The following RIOK1 variants were observed in gnomAD, a reference collection of about 807,000 sequenced individuals.
RIOK1 encodes RIO kinase 1, also known as serine/threonine-protein kinase RIO1.
Under a neutral mutation model 73.5 loss-of-function variants are expected in RIOK1, and 66 were observed. That is an observed-to-expected ratio of 0.90 (90% CI 0.74 to 1.10). The LOEUF (loss-of-function observed/expected upper bound fraction) is 1.10, where lower values mean the gene tolerates loss of function less well. Ranked by LOEUF, RIOK1 falls within the 50% of genes least tolerant of loss-of-function variation. The pLI is 0.00. For synonymous variants in RIOK1, 224 were observed against 226.8 expected, an observed-to-expected ratio of 0.99 and a Z score of 0.11; for missense variants, 658 against 699.8, an observed-to-expected ratio of 0.94 and a Z score of 0.67.
intron 2 of RIOK1, 99 bp from the exon 3 acceptor site, chr6:7,394,954 T>G: frequency 1.3e-6 from 2 of 1,535,958 alleles, no homozygotes; most frequent in Non-Finnish European, 1.8e-6. Flanking sequence ...CCTCTAAGTA[T>G]TGATGCTTTA....
chr6:7,401,063 T>C lies in RIOK1; in HGVS notation c.573+13T>C, dbSNP rs1445429623. The C allele has an allele frequency of 6.8e-7, 1 of 1,474,950 alleles. No homozygotes were observed. Among genetic ancestry groups the C allele is most frequent in the East Asian group, 2.3e-5 (1 of 44,116 alleles). The allele number at this position is 1,474,950 out of a possible 1,614,324, so 91.4% of individuals were successfully genotyped here. The stretch of plus-strand genomic sequence containing the variant: ...CACAGGAAAAGAAGTGAGCTCTTCT[T>C]TGGATGATTGGATATTTAATTTTCT... On this transcript the variant is annotated intron_variant, in intron 6 of 16. Coordinates refer to ENST00000379834, the MANE Select transcript of RIOK1 (RefSeq NM_031480.3).
chr6:7,416,520 C>A (rs765006191), intron 16 of RIOK1, among the ~76,000 whole-genome samples: 5 of 151,968 alleles, frequency 3.3e-5, no homozygotes, highest in Non-Finnish European at 5.9e-5. Context: ...TGGTGGCAGG[C>A]GCCTGTAGTC....
intron 4 of RIOK1, 76 bp downstream of exon 4, chr6:7,396,848 TTACAGAGGATG>T (rs1561875008): frequency 1.3e-6 from 1 of 795,212 alleles, no homozygotes; most frequent in African/African-American, 1.7e-5. Flanking sequence ...CATAATTCTT[TTACAGAGGATG>T]TTCATTTGTA....
intron 16 of RIOK1, among the ~76,000 whole-genome samples, chr6:7,416,418 G>A (rs1762001861): frequency 1.3e-5 from 2 of 152,210 alleles, no homozygotes; most frequent in African/African-American, 2.4e-5. Context: ...GGAGGCCAAG[G>A]CAGGTGGATC....
At chr6:7,402,947 A>T in intron 8 of RIOK1, 50 bp downstream of exon 8, 4 of 1,522,856 alleles carry the variant, frequency 2.6e-6, no homozygotes, top group Non-Finnish European at 3.6e-6. Flanking sequence ...GTACATGAAC[A>T]TCAGCCCTTC....
At chr6:7,406,262 GC>G (rs1308819481) in intron 12 of RIOK1, among the ~76,000 whole-genome samples, 1 of 152,132 alleles carries the variant, frequency 6.6e-6, no homozygotes, top group Non-Finnish European at 1.5e-5. Context: ...CTCCCAAAGT[GC>G]TGGGATTACA....
chr6:7,417,093 C>CA (rs892030148), intron 16 of RIOK1, among the ~76,000 whole-genome samples: 2 of 151,104 alleles, frequency 1.3e-5, no homozygotes, highest in African/African-American at 4.9e-5. Flanking sequence ...AAAAATACCC[C>CA]AAAAAAACCT....
Position 7,417,655 on chromosome 6 carries a change from G to A in RIOK1, c.*214G>A. 3.0e-6 allele frequency: 1 copy of A among 331,844 alleles called. No individual in the cohort carries two copies. Among genetic ancestry groups the A allele is most frequent in the South Asian group, 1.5e-4 (1 of 6,606 alleles). 20.6% of individuals were successfully genotyped at this position (331,844 alleles called of 1,614,324 possible). On this transcript the variant is annotated 3_prime_UTR_variant, in exon 17 of 17. Transcript: ENST00000379834. ...ACTGACTCTGTCTGGTGTTGACAGA[G>A]GATTTATTTAAGCTATTATTTTAAT...
chr6:7,411,393 T>G lies in RIOK1; in HGVS notation c.1331T>G (p.Met444Arg). 14 of 1,613,222 alleles carry G rather than the reference T, an allele frequency of 8.7e-6. No individual in the cohort carries two copies. Among genetic ancestry groups the G allele is most frequent in the Non-Finnish European group, 1.2e-5 (14 of 1,179,188 alleles). ...GAAGTGAAAAATTATGAGAGGGATA[T>G]GGACATAATTATGAAATTGAAGGAA... is the stretch of plus-strand genomic sequence containing the variant. ...LNEVKNYERD[M>R]DIIMKLKEED... The change falls in exon 14 of 17, where the codon ATG becomes AGG. Residue 444 changes from methionine to arginine, a missense_variant. By Grantham distance (91) the Met-to-Arg change is moderately conservative. Transcript: ENST00000379834.
intron 8 of RIOK1, among the ~76,000 whole-genome samples, chr6:7,403,349 T>C (rs2113513811): frequency 1.3e-5 from 2 of 152,350 alleles, no homozygotes; most frequent in South Asian, 4.1e-4. Context: ...TAGTTTCCTT[T>C]TCTTAGTCCA....
Position 7,400,944 on chromosome 6 carries a change from GC to G in RIOK1, c.481-13del. ...CGTCTTTTGGAACTTTTTAATTTTT[GC>G]ATTTCTTTTTAGGTGTTGGATCCCA... On this transcript the variant is annotated splice_polypyrimidine_tract_variant and intron_variant, in intron 5 of 16. Transcript: ENST00000379834. 6.5e-7 allele frequency: 1 copy of G among 1,545,050 alleles called. No individual in the cohort carries two copies. The highest frequency in any genetic ancestry group is 1.2e-5 in the South Asian group (1 of 85,768).
At chr6:7,411,613 C>A in intron 14 of RIOK1, 162 bp downstream of exon 14, 2 of 654,076 alleles carry the variant, frequency 3.1e-6, no homozygotes, top group Admixed American at 3.2e-5. Flanking sequence ...ACATTGAACG[C>A]AAAGGGAATT....
chr6:7,391,758 A>G (rs538215649), intron 1 of RIOK1, among the ~76,000 whole-genome samples: 2 of 152,312 alleles, frequency 1.3e-5, no homozygotes, highest in South Asian at 2.1e-4. Context: ...ATGCTGCTAA[A>G]AATCCTACAG....
At chr6:7,404,130 A>G in intron 9 of RIOK1, 103 bp downstream of exon 9, 1 of 866,492 alleles carries the variant, frequency 1.2e-6, no homozygotes, top group East Asian at 2.4e-5. Flanking sequence ...TAACTTATTA[A>G]TCTTTCCCAC....
At chr6:7,404,050 A>T (rs1761679188) in intron 9 of RIOK1, 23 bp downstream of exon 9, 3 of 1,465,694 alleles carry the variant, frequency 2.0e-6, no homozygotes, top group South Asian at 2.3e-5. Context: ...AAGGGCTAAT[A>T]ATTGCATTCT....
intron 13 of RIOK1, among the ~76,000 whole-genome samples, 186 bp downstream of exon 13, chr6:7,410,637 C>T (rs1348148459): frequency 1.3e-5 from 2 of 152,050 alleles, no homozygotes; most frequent in Non-Finnish European, 2.9e-5. Context: ...TTACATTTCA[C>T]TGTATTGGTC....
At chr6:7,416,772 G>A (rs982074739) in intron 16 of RIOK1, among the ~76,000 whole-genome samples, 2 of 151,198 alleles carry the variant, frequency 1.3e-5, no homozygotes, top group African/African-American at 4.9e-5. Context: ...GTGCACAATG[G>A]TCATGCCACT....
Position 7,404,493 on chromosome 6 carries a change from C to G in RIOK1, c.930C>G (p.Tyr310Ter), listed in dbSNP as rs376999534. ...ARELYLQVIQYMRRMYQDARL... is the reference protein window; with the variant it reads ...ARELYLQVIQ The stretch of plus-strand genomic sequence containing the variant: ...AGTTGTACCTGCAGGTCATTCAGTA[C>G]ATGAGAAGAATGTATCAGGATGCCA... The change falls in exon 10 of 17, where the codon TAC (tyrosine) becomes TAG (stop). Residue 310 changes from tyrosine (Y) to a stop codon, truncating the protein, a stop_gained. Transcript: ENST00000379834. LOFTEE classifies it high-confidence loss of function. 1 of 1,613,980 alleles carries G rather than the reference C, an allele frequency of 6.2e-7. No homozygotes were observed. Among genetic ancestry groups the G allele is most frequent in the East Asian group, 2.2e-5 (1 of 44,888 alleles).
chr6:7,404,441 TC>T lies in RIOK1; in HGVS notation c.880del (p.Gln294SerfsTer18). The T allele has an allele frequency of 1.9e-6, 3 of 1,614,122 alleles. No individual in the cohort carries two copies. Among genetic ancestry groups the T allele is most frequent in the Non-Finnish European group, 8.5e-7 (1 of 1,180,006 alleles). ...DDMPAPLLKNVQLSESKAREL... is the reference protein window; with the variant it reads ...DDMPAPLLKNXQLSESKAREL... ...AGGCCTGCACCACTCTTGAAAAATG[TC>T]CAGTTATCAGAATCCAAGGCTCGGG... On this transcript the variant is annotated frameshift_variant, in exon 10 of 17. Transcript: ENST00000379834. LOFTEE classifies it high-confidence loss of function.
Sources: allele counts gnomAD v4.1 joint callset (sites outside exome capture counted in the v4.1 genomes callset), GRCh38; gene constraint gnomAD v4.1.1; transcripts MANE v1.5; gene names NCBI Gene and HGNC (gene_info 2026-07-23, HGNC 2026-07-21).